Variants in MAML3 observed in about 807,000 individuals in gnomAD.
MAML3 encodes mastermind-like protein 3.
Under a neutral mutation model 101.9 loss-of-function variants are expected in MAML3, and 27 were observed. The ratio of observed to expected loss-of-function variants is 0.27; its 90% CI spans 0.20 to 0.37. The LOEUF (loss-of-function observed/expected upper bound fraction) is 0.37. MAML3 is among the 10% of genes least tolerant of loss of function. The pLI is 1.00. For synonymous variants in MAML3, 501 were observed against 555.9 expected, an observed-to-expected ratio of 0.90 and a Z score of 1.39; for missense variants, 1,316 against 1,444.9, an observed-to-expected ratio of 0.91 and a Z score of 1.45.
intron 1 of MAML3, among the ~76,000 whole-genome samples, chr4:140,125,040 A>C (rs559414419): frequency 6.6e-6 from 1 of 152,354 alleles, no homozygotes; most frequent in Admixed American, 6.5e-5. Context: ...ATAATTAAAG[A>C]GTTTGAGCAT....
intron 3 of MAML3, among the ~76,000 whole-genome samples, chr4:139,728,765 C>T (rs1377087753): frequency 1.3e-5 from 2 of 152,158 alleles, no homozygotes; most frequent in African/African-American, 2.4e-5. Context: ...ATCATCTTGA[C>T]GTGTCTCTTC....
At chr4:139,898,156 T>A (rs1332075956) in intron 1 of MAML3, among the ~76,000 whole-genome samples, 3 of 152,216 alleles carry the variant, frequency 2.0e-5, no homozygotes, top group African/African-American at 7.2e-5. Flanking sequence ...GATGAATGAA[T>A]GAATGCTAAA....
intron 1 of MAML3, among the ~76,000 whole-genome samples, chr4:140,053,468 T>C (rs1319807614): frequency 6.6e-6 from 1 of 152,216 alleles, no homozygotes; most frequent in African/African-American, 2.4e-5. Flanking sequence ...GATCCTGGCT[T>C]TTCTCCTCTG....
At chr4:139,970,450 C>T (rs1418603274) in intron 1 of MAML3, among the ~76,000 whole-genome samples, 2 of 152,120 alleles carry the variant, frequency 1.3e-5, no homozygotes, top group Admixed American at 1.3e-4. Context: ...GGACTTTGGA[C>T]TTACTGTGCA....
At position 140,074,265 on chromosome 4, in the gene MAML3, A is replaced by G. The variant is rs565424127; in HGVS notation, c.468+78595T>C. ...AGAAAGAAAGAAAGAAAGAAAGAGG[A>G]CATGTGTACTATGAGGGAGAGGGTC... On this transcript the variant is annotated intron_variant, in intron 1 of 4. Transcript: ENST00000509479. Among the ~76,000 whole-genome samples the G allele has an allele frequency of 1.0e-4, 13 of 127,776 alleles. No homozygotes were observed. In the East Asian group the frequency reaches 2.6e-3, roughly 26 times the overall value. The allele number at this position is 127,776 out of a possible 152,430, so 83.8% of individuals were successfully genotyped here. A position where few individuals can be genotyped will look rare whatever the true frequency, so the allele number is the denominator to read the frequency against.
At chr4:139,915,709 C>T (rs1245210992) in intron 1 of MAML3, among the ~76,000 whole-genome samples, 1 of 152,126 alleles carries the variant, frequency 6.6e-6, no homozygotes, top group East Asian at 1.9e-4. Flanking sequence ...GGCGGGGATC[C>T]TCTGAACCCA....
chr4:139,878,646 T>G (rs1442896614), intron 2 of MAML3, among the ~76,000 whole-genome samples: 1 of 152,050 alleles, frequency 6.6e-6, no homozygotes, highest in Admixed American at 6.5e-5. Flanking sequence ...AGGAAGGGAA[T>G]CTAAGAGTCT....
intron 2 of MAML3, among the ~76,000 whole-genome samples, chr4:139,764,877 G>A (rs944513018): frequency 2.0e-5 from 3 of 152,210 alleles, no homozygotes; most frequent in African/African-American, 4.8e-5. Context: ...TGCCGGCATC[G>A]CGGCCACACT....
chr4:139,900,435 G>A (rs567349442), intron 1 of MAML3, among the ~76,000 whole-genome samples: 3 of 152,266 alleles, frequency 2.0e-5, no homozygotes, highest in South Asian at 2.1e-4. Context: ...CAGGAGCAGT[G>A]GCAGCTGAAG....
At chr4:140,039,928 T>C (rs1333941486) in intron 1 of MAML3, among the ~76,000 whole-genome samples, 1 of 152,156 alleles carries the variant, frequency 6.6e-6, no homozygotes, top group African/African-American at 2.4e-5. Context: ...GCCAACTCAT[T>C]TGCTACTGCT....
intron 2 of MAML3, chr4:139,740,266 T>A (rs1474656238): frequency 2.6e-5 from 4 of 152,180 alleles, no homozygotes; most frequent in Non-Finnish European, 4.4e-5. Flanking sequence ...GTTCAAGAAC[T>A]CGAGAGGTGG....
At chr4:139,844,093 C>T (rs1435797366) in intron 2 of MAML3, among the ~76,000 whole-genome samples, 2 of 152,154 alleles carry the variant, frequency 1.3e-5, no homozygotes, top group Admixed American at 6.5e-5. Context: ...ATGTGAGGTG[C>T]GGGTAGAGTG....
At chr4:139,730,121 G>A (rs912776014) in intron 3 of MAML3, among the ~76,000 whole-genome samples, 7 of 152,196 alleles carry the variant, frequency 4.6e-5, no homozygotes, top group African/African-American at 1.7e-4. Flanking sequence ...ACAGACCCCT[G>A]TACCAGAAAT....
intron 1 of MAML3, among the ~76,000 whole-genome samples, chr4:139,905,058 G>C (rs1228661714): frequency 6.6e-6 from 1 of 152,196 alleles, no homozygotes; most frequent in Non-Finnish European, 1.5e-5. Flanking sequence ...CAGAAGTGTG[G>C]AGAAACAAGC....
At chr4:140,038,247 G>A (rs1042283226) in intron 1 of MAML3, among the ~76,000 whole-genome samples, 12 of 152,226 alleles carry the variant, frequency 7.9e-5, no homozygotes, top group African/African-American at 2.9e-4. Flanking sequence ...AAAGGACCCT[G>A]AAGATGATTT....
At position 139,718,933 on chromosome 4, in the gene MAML3, C is replaced by T. The variant is rs532107448; in HGVS notation, c.*390G>A. On this transcript the variant is annotated 3_prime_UTR_variant, in exon 5 of 5. Coordinates refer to ENST00000509479, the MANE Select transcript of MAML3 (RefSeq NM_018717.5). ...TTGTGTCTCCAAAGCTGCTGTCTCCCGACCTGGGGCAGGAGGGGCTGAGGA... is the reference window on the plus strand; with the variant it reads ...TTGTGTCTCCAAAGCTGCTGTCTCCTGACCTGGGGCAGGAGGGGCTGAGGA... 6 of 180,782 alleles carry T rather than the reference C, an allele frequency of 3.3e-5. No homozygotes were observed. Among genetic ancestry groups the T allele is most frequent in the Middle Eastern group, 2.7e-3 (1 of 374 alleles). 11.2% of individuals were successfully genotyped at this position (180,782 alleles called of 1,614,324 possible).
chr4:139,718,703 A>C lies in MAML3; in HGVS notation c.*620T>G, dbSNP rs75721843. Reference sequence around the variant, plus strand: ...TGAGGGTCATCATGGGGCAGGAGACAGACAGTCCTGTAGGATCTGTGGTTG... The same window carrying C: ...TGAGGGTCATCATGGGGCAGGAGACCGACAGTCCTGTAGGATCTGTGGTTG... On this transcript the variant is annotated 3_prime_UTR_variant, in exon 5 of 5. Coordinates refer to ENST00000509479, the MANE Select transcript of MAML3 (RefSeq NM_018717.5). 0.068 allele frequency: 10,334 copies of C among 152,514 alleles called. 611 individuals are homozygous for C. Among genetic ancestry groups the C allele is most frequent in the Admixed American group, 0.18 (2,725 of 15,296 alleles). 9.4% of individuals were successfully genotyped at this position (152,514 alleles called of 1,614,324 possible). A position where few individuals can be genotyped will look rare whatever the true frequency, so the allele number is the denominator to read the frequency against.
In MAML3 at chr4:140,042,475, A is replaced by G. The variant is rs6820342; in HGVS notation, c.468+110385T>C. Among the ~76,000 whole-genome samples the G allele has an allele frequency of 7.8e-3, 1,192 of 152,198 alleles. 17 individuals carry two copies. Among genetic ancestry groups the G allele is most frequent in the African/African-American group, 0.028 (1,170 of 41,530 alleles). Reference sequence around the variant, plus strand: ...TGGTGAAACCCCATCTCTACTAAAAATACAAAAAATTAGCTGGGTGTGGTG... The same window carrying G: ...TGGTGAAACCCCATCTCTACTAAAAGTACAAAAAATTAGCTGGGTGTGGTG... On this transcript the variant is annotated intron_variant, in intron 1 of 4. Coordinates refer to ENST00000509479, the MANE Select transcript of MAML3 (RefSeq NM_018717.5).
At chr4:140,031,734 T>C (rs1304433989) in intron 1 of MAML3, among the ~76,000 whole-genome samples, 1 of 152,230 alleles carries the variant, frequency 6.6e-6, no homozygotes, top group Non-Finnish European at 1.5e-5. Context: ...CATGATATTT[T>C]GGGAATGACA....
Sources: gnomAD v4.1 joint callset for allele counts (sites outside exome capture counted in the v4.1 genomes callset) on GRCh38, gnomAD v4.1.1 for gene constraint, MANE v1.5 for transcripts, NCBI Gene and HGNC (gene_info 2026-07-23, HGNC 2026-07-21) for gene names.